SPATA13: variants seen among roughly 807,000 people sequenced by gnomAD.
SPATA13 encodes the protein spermatogenesis-associated protein 13.
A neutral mutation model predicts 104.0 loss-of-function variants in SPATA13; 50 were observed. That is an observed-to-expected ratio of 0.48 (90% CI 0.38 to 0.61). SPATA13 has a LOEUF of 0.61. SPATA13 is among the 20% of genes least tolerant of loss of function. The pLI is 0.00. For missense variants in SPATA13, 1,524 were observed against 1,690.6 expected (o/e 0.90, Z 1.73); for synonymous variants, 606 against 667.5 (o/e 0.91, Z 1.42).
chr13:24,031,666 A>G (rs766916198), intron 3 of SPATA13, among the ~76,000 whole-genome samples: 1 of 152,230 alleles, frequency 6.6e-6, no homozygotes, highest in African/African-American at 2.4e-5. Context: ...CTGTAGATGC[A>G]AAAATAGCTA....
At chr13:24,229,632 A>G (rs1367972697) in intron 2 of SPATA13, among the ~76,000 whole-genome samples, 4 of 152,172 alleles carry the variant, frequency 2.6e-5, no homozygotes, top group African/African-American at 4.8e-5. Context: ...ACTCTTTTTC[A>G]ATATAACACT....
chr13:24,160,015 A>T (rs1192837306), upstream of SPATA13, among the ~76,000 whole-genome samples: 1 of 152,184 alleles, frequency 6.6e-6, no homozygotes, highest in Non-Finnish European at 1.5e-5. Flanking sequence ...CTTGAGCCTC[A>T]CAAGAAAGGT....
chr13:24,263,392 C>T (rs1593473507), intron 4 of SPATA13, among the ~76,000 whole-genome samples: 1 of 152,284 alleles, frequency 6.6e-6, no homozygotes, highest in African/African-American at 2.4e-5. Context: ...ACGTTCCCTT[C>T]TCCCCCTACA....
chr13:24,228,031 A>T (rs1414942066), intron 2 of SPATA13, among the ~76,000 whole-genome samples: 20 of 150,324 alleles, frequency 1.3e-4, no homozygotes, highest in Admixed American at 1.3e-3. Context: ...CAGCCTCCCG[A>T]TTAGCTAGGA....
intron 2 of SPATA13, among the ~76,000 whole-genome samples, chr13:24,236,487 C>T (rs756423130): frequency 9.3e-5 from 14 of 150,852 alleles, no homozygotes; most frequent in Non-Finnish European, 1.5e-4. Flanking sequence ...CCCAGCTACT[C>T]GGGGAGGCTG....
At chr13:24,218,421 A>T (rs1325619009) in intron 1 of SPATA13, among the ~76,000 whole-genome samples, 1 of 152,138 alleles carries the variant, frequency 6.6e-6, no homozygotes, top group Non-Finnish European at 1.5e-5. Context: ...CTGGGCTGTC[A>T]CTACAGCAAT....
At chr13:24,158,895 C>T (rs1882346446), upstream of SPATA13, among the ~76,000 whole-genome samples, 1 of 152,206 alleles carries the variant, frequency 6.6e-6, no homozygotes, top group Non-Finnish European at 1.5e-5. Context: ...TAGTTGGTAT[C>T]ACTCCACAGA....
chr13:24,165,581 C>T (rs553511037), intron 1 of SPATA13, among the ~76,000 whole-genome samples: 13 of 152,204 alleles, frequency 8.5e-5, no homozygotes, highest in African/African-American at 3.1e-4. Flanking sequence ...GGTTGCACCC[C>T]CCACCCACCC....
At chr13:23,993,145 C>CA (rs57346440) in intron 2 of SPATA13, among the ~76,000 whole-genome samples, 21,493 of 152,110 alleles carry the variant, frequency 0.14, 1,877 homozygotes, top group Admixed American at 0.26. Context: ...CCTGCTGTGG[C>CA]GAAGGTCGTG....
At chr13:24,037,234 A>G (rs894627230) in intron 3 of SPATA13, among the ~76,000 whole-genome samples, 1 of 149,206 alleles carries the variant, frequency 6.7e-6, no homozygotes, top group Non-Finnish European at 1.5e-5. Context: ...GGATGGCATT[A>G]GGAGATATAC....
In SPATA13 at chr13:24,297,608, C is replaced by T. The variant is rs1876883401; in HGVS notation, c.3456C>T (p.Ala1152=). Residue 1152 remains alanine (A), a synonymous_variant, in exon 11 of 13, where the codon GCC becomes GCT. Transcript: ENST00000382108. The part of the protein sequence containing the change: ...DKDCNLSVKN[A]FKLVSRTTDE... ...ACTGCAACCTCAGCGTGAAAAATGCCTTCAAGCTCGTCAGTAGGACCACAG... is the reference window on the plus strand; with the variant it reads ...ACTGCAACCTCAGCGTGAAAAATGCTTTCAAGCTCGTCAGTAGGACCACAG... 2 of 1,614,222 alleles carry T rather than the reference C, an allele frequency of 1.2e-6. No individual in the cohort carries two copies. The highest frequency in any genetic ancestry group is 1.1e-5 in the South Asian group (1 of 91,086).
In SPATA13 at chr13:24,011,953, C is replaced by T. The variant is rs941656045; in HGVS notation, c.-146-5714C>T. ...CAATGTGCACCTCCGCCTCCCCCTA[C>T]GGATTGTAAAACTCACAGGCACAGG... On this transcript the variant is annotated intron_variant, in intron 2 of 14. Transcript: ENST00000424834. The surrounding 1 kb of genome is among the most constrained non-coding windows in gnomAD (Gnocchi z 4.3). Among the ~76,000 whole-genome samples, 7 of 152,200 alleles carry T rather than the reference C, an allele frequency of 4.6e-5. No homozygotes were observed. Among genetic ancestry groups the T allele is most frequent in the Admixed American group, 1.3e-4 (2 of 15,286 alleles).
At chr13:24,012,665 C>T (rs1380351205) in intron 2 of SPATA13, among the ~76,000 whole-genome samples, 3 of 152,258 alleles carry the variant, frequency 2.0e-5, no homozygotes, top group African/African-American at 7.2e-5. Flanking sequence ...CAGCCAACCC[C>T]CAAGTGTGTG....
intron 2 of SPATA13, among the ~76,000 whole-genome samples, chr13:24,239,577 C>A (rs1279519592): frequency 6.6e-6 from 1 of 150,590 alleles, no homozygotes; most frequent in Non-Finnish European, 1.5e-5. Context: ...CACCTCTAGT[C>A]CCAGCTACTT....
intron 3 of SPATA13, among the ~76,000 whole-genome samples, chr13:24,047,021 T>C (rs1276285425): frequency 3.3e-5 from 5 of 152,080 alleles, no homozygotes; most frequent in Non-Finnish European, 7.3e-5. Context: ...ATGGCTAATT[T>C]GGTGAACAGC....
chr13:24,050,384 C>T (rs893508071), intron 3 of SPATA13, among the ~76,000 whole-genome samples: 8 of 152,146 alleles, frequency 5.3e-5, no homozygotes, highest in African/African-American at 1.7e-4. Flanking sequence ...TTGACTCATC[C>T]TCACAAGAAA....
intron 3 of SPATA13, chr13:24,123,095 T>G (rs1881092841): frequency 1.0e-6 from 1 of 992,890 alleles, no homozygotes; most frequent in Non-Finnish European, 1.6e-6. Context: ...CTTCACTATA[T>G]TCACAGATCA....
chr13:24,288,978 TA>T lies in SPATA13; in HGVS notation c.2668-20del. On this transcript the variant is annotated intron_variant, in intron 7 of 12. Coordinates refer to ENST00000382108, the MANE Select transcript of SPATA13 (RefSeq NM_001166271.3). The stretch of plus-strand genomic sequence containing the variant: ...TTTATTTGGATTTCCAAATAAAAAG[TA>T]TTACTTCTGTATTTTGCAGGGCTAT... 1 of 1,571,280 alleles carries T rather than the reference TA, an allele frequency of 6.4e-7. No individual in the cohort carries two copies.
chr13:23,980,249 G>C (rs1170313718), intron 1 of SPATA13, among the ~76,000 whole-genome samples: 1 of 152,240 alleles, frequency 6.6e-6, no homozygotes, highest in Non-Finnish European at 1.5e-5. Context: ...AGCGCATAGG[G>C]GCGCCGGGGC....
Sources: gnomAD v4.1 joint callset for allele counts (sites outside exome capture counted in the v4.1 genomes callset) on GRCh38, gnomAD v4.1.1 for gene constraint, Gnocchi (gnomAD v3.1) non-coding constraint, MANE v1.5 for transcripts, NCBI Gene and HGNC (gene_info 2026-07-23, HGNC 2026-07-21) for gene names.